Variants in MBD5 observed in about 807,000 individuals in gnomAD.
The protein encoded by MBD5 is methyl-CpG-binding domain protein 5.
Under a neutral mutation model 117.3 loss-of-function variants are expected in MBD5, and 13 were observed. The ratio of observed to expected loss-of-function variants is 0.11; its 90% CI spans 0.07 to 0.18. The LOEUF (loss-of-function observed/expected upper bound fraction) is 0.18. Ranked by LOEUF, MBD5 falls within the 10% of genes least tolerant of loss-of-function variation. The pLI, the probability that MBD5 is intolerant of heterozygous loss-of-function variation, is 1.00. For missense variants in MBD5, 1,879 were observed against 2,093.8 expected (o/e 0.90, Z 2.00); for synonymous variants, 727 against 766.4 (o/e 0.95, Z 0.85).
At chr2:148,218,800 A>T (rs1415874713) in intron 2 of MBD5, among the ~76,000 whole-genome samples, 2 of 152,228 alleles carry the variant, frequency 1.3e-5, no homozygotes, top group African/African-American at 4.8e-5. Context: ...AAACTGGTAC[A>T]TCTGTATAGA....
At chr2:148,501,746 T>C (rs1168678823) in intron 11 of MBD5, among the ~76,000 whole-genome samples, 1 of 152,102 alleles carries the variant, frequency 6.6e-6, no homozygotes, top group Non-Finnish European at 1.5e-5. Flanking sequence ...CTGGCAGTGA[T>C]AAAGCAAGAC....
chr2:148,350,513 C>G (rs1703225041), intron 4 of MBD5, among the ~76,000 whole-genome samples: 1 of 151,912 alleles, frequency 6.6e-6, no homozygotes, highest in South Asian at 2.1e-4. Flanking sequence ...TCAGTAAACT[C>G]AGAATTTTGC....
chr2:148,120,357 C>G (rs970608111), intron 1 of MBD5, among the ~76,000 whole-genome samples: 1 of 152,122 alleles, frequency 6.6e-6, no homozygotes, highest in African/African-American at 2.4e-5. Context: ...ATAGGGATTG[C>G]GTTGAATATG....
intron 3 of MBD5, among the ~76,000 whole-genome samples, chr2:148,337,157 C>T (rs1282434652): frequency 6.6e-6 from 1 of 152,264 alleles, no homozygotes; most frequent in East Asian, 1.9e-4. Context: ...TTAATCACAG[C>T]CCCTCCAAAC....
chr2:148,452,924 T>C (rs1469328590), intron 4 of MBD5, among the ~76,000 whole-genome samples: 1 of 152,202 alleles, frequency 6.6e-6, no homozygotes, highest in Non-Finnish European at 1.5e-5. Flanking sequence ...TCTTTCATTT[T>C]AGACATGTGT....
chr2:148,470,632 A>G (rs912738873), intron 8 of MBD5, 171 bp downstream of exon 8: 6 of 588,738 alleles, frequency 1.0e-5, no homozygotes, highest in Admixed American at 3.4e-5. Flanking sequence ...GGATTTGTCT[A>G]TTGGGAAGAT....
At chr2:148,185,781 G>A (rs76591063) in intron 2 of MBD5, among the ~76,000 whole-genome samples, 2,000 of 152,250 alleles carry the variant, frequency 0.013, 58 homozygotes, top group Admixed American at 0.06. Flanking sequence ...ATGGTGGTAC[G>A]TGCCTGTAGT....
rs200672323 is a variant in MBD5 at position 148,460,755 on chromosome 2, T to C, written c.114-1827T>C. 1.9e-4 allele frequency among the ~76,000 whole-genome samples: 29 copies of C among 152,324 alleles called. No individual in the cohort carries two copies. The East Asian group carries it at 5.2e-3, about 27-fold the overall frequency. On this transcript the variant is annotated intron_variant, in intron 5 of 13. Transcript: ENST00000642680. ...CAACTGACTTTTTGAGAGGAAATGT[T>C]TTTAAAGCATCTGGAGTACTTTAAT...
chr2:148,282,573 T>A (rs918363810), intron 3 of MBD5, among the ~76,000 whole-genome samples: 3 of 151,168 alleles, frequency 2.0e-5, no homozygotes, highest in African/African-American at 7.3e-5. Flanking sequence ...TGTGTGTGTA[T>A]ATATATATAT....
chr2:148,252,598 G>T (rs2106251568), intron 3 of MBD5, among the ~76,000 whole-genome samples: 1 of 152,334 alleles, frequency 6.6e-6, no homozygotes, highest in South Asian at 2.1e-4. Context: ...CTCCCAGGCT[G>T]GAGTGCAATG....
At chr2:148,210,384 T>C in intron 2 of MBD5, among the ~76,000 whole-genome samples, 1 of 152,238 alleles carries the variant, frequency 6.6e-6, no homozygotes, top group South Asian at 2.1e-4. Flanking sequence ...ACCTCATTTA[T>C]TATATTGTTC....
rs184021462 is a variant in MBD5 at position 148,224,550 on chromosome 2, G to A, written c.-830-8695G>A. Among the ~76,000 whole-genome samples the A allele has an allele frequency of 6.1e-3, 796 of 130,320 alleles. 4 individuals carry two copies. Among genetic ancestry groups the A allele is most frequent in the Middle Eastern group, 0.012 (3 of 250 alleles). 85.5% of individuals were successfully genotyped at this position (130,320 alleles called of 152,430 possible). On this transcript the variant is annotated intron_variant, in intron 2 of 13. Coordinates refer to ENST00000642680, the MANE Select transcript of MBD5 (RefSeq NM_001378120.1). Reference sequence around the variant, plus strand: ...TTTTTTTTTTTTTTTTAGTAGAGACGAGGTTTCACCATGTTGCCCAGGCTG... The same window carrying A: ...TTTTTTTTTTTTTTTTAGTAGAGACAAGGTTTCACCATGTTGCCCAGGCTG...
intron 1 of MBD5, among the ~76,000 whole-genome samples, chr2:148,147,911 C>T (rs1008906771): frequency 9.2e-5 from 14 of 152,132 alleles, no homozygotes; most frequent in African/African-American, 2.7e-4. Flanking sequence ...AGAGTTTTCT[C>T]AGGTCTTTTG....
At chr2:148,492,609 C>T (rs1681564099) in intron 11 of MBD5, among the ~76,000 whole-genome samples, 1 of 152,036 alleles carries the variant, frequency 6.6e-6, no homozygotes, top group Admixed American at 6.6e-5. Context: ...CTTTCAGGAC[C>T]TACCACACTT....
At chr2:148,312,984 G>T (rs759872980) in intron 3 of MBD5, among the ~76,000 whole-genome samples, 3 of 152,172 alleles carry the variant, frequency 2.0e-5, no homozygotes, top group Non-Finnish European at 4.4e-5. Context: ...AGCAGAGGCT[G>T]CAGAACAGCA....
intron 3 of MBD5, among the ~76,000 whole-genome samples, chr2:148,314,383 T>TTTG (rs1186761192): frequency 4.1e-4 from 60 of 146,970 alleles, no homozygotes; most frequent in African/African-American, 1.4e-3. Flanking sequence ...ATGGTTTTTT[T>TTTG]TTTTTTTTTT....
At chr2:148,095,177 C>A (rs1010934484) in intron 1 of MBD5, among the ~76,000 whole-genome samples, 7 of 152,130 alleles carry the variant, frequency 4.6e-5, no homozygotes, top group African/African-American at 1.7e-4. Flanking sequence ...GATTCAGCAG[C>A]CCTATTTAAC....
rs115902148 is a variant in MBD5 at position 148,468,648 on chromosome 2, T to C, written c.705T>C (p.Gly235=). The change falls in exon 8 of 14, where the codon GGT becomes GGC. Residue 235 remains glycine, a synonymous_variant. Transcript: ENST00000642680. ...ASSGSQIYGD[G]SISPRTDPLG... is the part of the protein sequence containing the mutation. ...CAGGTTCCCAGATATATGGAGATGG[T>C]TCAATCTCTCCAAGGACTGACCCAC... 1.9e-6 allele frequency: 3 copies of C among 1,613,880 alleles called. No individual in the cohort carries two copies. The East Asian group carries it at 6.7e-5, about 36-fold the overall frequency.
intron 3 of MBD5, among the ~76,000 whole-genome samples, chr2:148,297,522 A>G (rs1701683157): frequency 6.6e-6 from 1 of 152,152 alleles, no homozygotes; most frequent in South Asian, 2.1e-4. Flanking sequence ...TGCTGGGGTA[A>G]TGCTTTATTG....
Sources: allele counts gnomAD v4.1 joint callset (sites outside exome capture counted in the v4.1 genomes callset), GRCh38; gene constraint gnomAD v4.1.1; transcripts MANE v1.5; gene names NCBI Gene and HGNC (gene_info 2026-07-23, HGNC 2026-07-21).